The following CAMTA1 variants were observed in gnomAD, a reference collection of about 807,000 sequenced individuals.
The protein encoded by CAMTA1 is calmodulin binding transcription activator 1, also known as calmodulin-binding transcription activator 1.
Under a neutral mutation model 170.9 loss-of-function variants are expected in CAMTA1, and 27 were observed. The ratio of observed to expected loss-of-function variants is 0.16; its 90% CI spans 0.12 to 0.22. The LOEUF is 0.22. Among genes scored for constraint, CAMTA1 ranks in the 10% least tolerant of loss-of-function variants. The probability of loss-of-function intolerance (pLI) is 1.00; values close to 1 mark genes in which losing one functional copy is unlikely to be tolerated. For missense variants in CAMTA1, 1,619 were observed against 2,217.2 expected (o/e 0.73, Z 5.42); for synonymous variants, 833 against 891.5 (o/e 0.93, Z 1.17).
chr1:6,790,059 C>T (rs1287052604), intron 1 of CAMTA1, among the ~76,000 whole-genome samples: 2 of 151,648 alleles, frequency 1.3e-5, no homozygotes, highest in Non-Finnish European at 2.9e-5. Context: ...AGTGATCCGC[C>T]TACCTCAGCC....
At chr1:7,002,677 C>G (rs1000475733) in intron 3 of CAMTA1, among the ~76,000 whole-genome samples, 2 of 152,246 alleles carry the variant, frequency 1.3e-5, no homozygotes, top group Non-Finnish European at 2.9e-5. Context: ...ACTCAACCGA[C>G]AGTGCATCTC....
At chr1:7,461,479 C>A (rs2149511106) in intron 5 of CAMTA1, among the ~76,000 whole-genome samples, 1 of 152,364 alleles carries the variant, frequency 6.6e-6, no homozygotes, top group African/African-American at 2.4e-5. Flanking sequence ...AACTGAGGAA[C>A]TGAAGCTTTG....
At position 7,678,094 on chromosome 1, in the gene CAMTA1, G is replaced by A. The variant is rs1333299367; in HGVS notation, c.2914+361G>A. Among the ~76,000 whole-genome samples the A allele has an allele frequency of 2.6e-5, 4 of 152,314 alleles. No homozygotes were observed. The East Asian group carries it at 5.8e-4, about 22-fold the overall frequency. On this transcript the variant is annotated intron_variant, in intron 11 of 22. Transcript: ENST00000303635. ...CCCAGGCAGCAAGGTCCAAGCACCC[G>A]CTGTGCCCCTCCAGGCCTGTTTCCG...
At chr1:7,230,875 G>A (rs1662664187) in intron 4 of CAMTA1, among the ~76,000 whole-genome samples, 1 of 152,152 alleles carries the variant, frequency 6.6e-6, no homozygotes, top group South Asian at 2.1e-4. Flanking sequence ...CCTCAGTCCT[G>A]TCTTGTTGGG....
At position 7,166,780 on chromosome 1, in the gene CAMTA1, G is replaced by A. The variant is rs557181741; in HGVS notation, c.302+75409G>A. On this transcript the variant is annotated intron_variant, in intron 4 of 22. Coordinates refer to ENST00000303635, the MANE Select transcript of CAMTA1 (RefSeq NM_015215.4). ...AGAAAGTGTTCCTAATGGTGTCTTGGTGGGTAGAAATTCTTAGTTTTGATG... is the reference window on the plus strand; with the variant it reads ...AGAAAGTGTTCCTAATGGTGTCTTGATGGGTAGAAATTCTTAGTTTTGATG... 7.7e-4 allele frequency among the ~76,000 whole-genome samples: 116 copies of A among 150,498 alleles called. 1 individual carries two copies. The highest frequency in any genetic ancestry group is 2.6e-3 in the African/African-American group (105 of 41,002).
chr1:7,256,765 A>G (rs1205325077), intron 5 of CAMTA1, among the ~76,000 whole-genome samples: 1 of 152,166 alleles, frequency 6.6e-6, no homozygotes, highest in African/African-American at 2.4e-5. Flanking sequence ...TTTAGGATCA[A>G]GGTGCAGGCG....
chr1:7,284,423 T>C (rs899602126), intron 5 of CAMTA1, among the ~76,000 whole-genome samples: 1 of 151,936 alleles, frequency 6.6e-6, no homozygotes, highest in East Asian at 1.9e-4. Context: ...AGGCTGGTCT[T>C]GAACTCCTGA....
rs191186267 is a variant in CAMTA1, at chr1:7,712,472, C to G, written c.2915-19976C>G. 4.6e-5 allele frequency among the ~76,000 whole-genome samples: 7 copies of G among 152,222 alleles called. No homozygotes were observed. In the East Asian group the frequency reaches 1.4e-3, roughly 29 times the overall value. Reference sequence around the variant, plus strand: ...AGTAACAGGGACCACAGGTGTGCATCACTGTGCCTGGCTAGTTTTTGGATT... The same window carrying G: ...AGTAACAGGGACCACAGGTGTGCATGACTGTGCCTGGCTAGTTTTTGGATT... On this transcript the variant is annotated intron_variant, in intron 11 of 22. Coordinates refer to ENST00000303635, the MANE Select transcript of CAMTA1 (RefSeq NM_015215.4).
At chr1:7,054,078 GC>G (rs1267646367) in intron 3 of CAMTA1, among the ~76,000 whole-genome samples, 1 of 152,210 alleles carries the variant, frequency 6.6e-6, no homozygotes, top group African/African-American at 2.4e-5. Context: ...CTCACTGCCA[GC>G]CCAGCCTCTG....
intron 11 of CAMTA1, among the ~76,000 whole-genome samples, chr1:7,704,789 G>GGGGCCGGGCT (rs1269301631): frequency 2.0e-4 from 30 of 147,794 alleles, no homozygotes; most frequent in Non-Finnish European, 3.9e-4. Flanking sequence ...GAGCGGGCGC[G>GGGGCCGGGCT]GGGCCGGGCT....
chr1:7,443,152 C>T lies in CAMTA1; in HGVS notation c.439-24678C>T, dbSNP rs575670857. 5.4e-4 allele frequency among the ~76,000 whole-genome samples: 82 copies of T among 152,326 alleles called. 1 individual carries two copies. The South Asian group carries it at 6.2e-3, about 12-fold the overall frequency. On this transcript the variant is annotated intron_variant, in intron 5 of 22. Transcript: ENST00000303635. The surrounding 1 kb of genome is among the most constrained non-coding windows in gnomAD (Gnocchi z 4.1). ...CTACCCAAGTCAAAGCCCTGGATGA[C>T]GGCTGCAAAGCATAAGGCTTCGGGT...
chr1:7,104,278 C>CA (rs1181872521), intron 4 of CAMTA1, among the ~76,000 whole-genome samples: 2 of 58,680 alleles, frequency 3.4e-5, no homozygotes, highest in Non-Finnish European at 8.4e-5. Flanking sequence ...TACATGCACA[C>CA]AAAACAAATA....
At chr1:7,729,484 A>G (rs2096716406) in intron 11 of CAMTA1, among the ~76,000 whole-genome samples, 1 of 152,246 alleles carries the variant, frequency 6.6e-6, no homozygotes, top group Admixed American at 6.5e-5. Flanking sequence ...AAGTAAAATC[A>G]GTTTGATCTG....
chr1:7,747,844 G>A, intron 19 of CAMTA1, 63 bp downstream of exon 19: 3 of 1,134,830 alleles, frequency 2.6e-6, no homozygotes, highest in Non-Finnish European at 3.9e-6. Flanking sequence ...TGAAGATCCT[G>A]GTTTGGCTAA....
At chr1:6,879,872 C>G (rs903230757) in intron 3 of CAMTA1, among the ~76,000 whole-genome samples, 1 of 151,440 alleles carries the variant, frequency 6.6e-6, no homozygotes, top group African/African-American at 2.4e-5. Flanking sequence ...AGTGTTCCTC[C>G]TGCCTTGGCC....
chr1:7,104,358 C>A lies in CAMTA1; in HGVS notation c.302+12987C>A, dbSNP rs1377468695. On this transcript the variant is annotated intron_variant, in intron 4 of 22. Coordinates refer to ENST00000303635, the MANE Select transcript of CAMTA1 (RefSeq NM_015215.4). ...ATACATGTACACACATGCATAAATA[C>A]TCAATACACATACACACACACACAC... is the stretch of plus-strand genomic sequence containing the variant. Among the ~76,000 whole-genome samples the A allele has an allele frequency of 2.5e-5, 3 of 117,674 alleles. No individual in the cohort carries two copies. The South Asian group carries it at 8.9e-4, about 35-fold the overall frequency. The allele number at this position is 117,674 out of a possible 152,430, so 77.2% of individuals were successfully genotyped here. A position where few individuals can be genotyped will look rare whatever the true frequency, so the allele number is the denominator to read the frequency against.
Position 7,113,004 on chromosome 1 carries a change from C to T in CAMTA1, c.302+21633C>T, listed in dbSNP as rs578022373. ...ATTGGTGGAAACCTTTCCCGGCAGC[C>T]TCACGTCTGCTTTTCAGGTACTCTG... On this transcript the variant is annotated intron_variant, in intron 4 of 22. Coordinates refer to ENST00000303635, the MANE Select transcript of CAMTA1 (RefSeq NM_015215.4). This position sits in a 1 kb window ranked among gnomAD's most constrained non-coding sequence, Gnocchi z 4.5. Among the ~76,000 whole-genome samples, 4 of 152,348 alleles carry T rather than the reference C, an allele frequency of 2.6e-5. No individual in the cohort carries two copies. The South Asian group carries it at 8.3e-4, about 32-fold the overall frequency.
At chr1:6,930,783 C>T (rs1183416360) in intron 3 of CAMTA1, among the ~76,000 whole-genome samples, 1 of 152,206 alleles carries the variant, frequency 6.6e-6, no homozygotes, top group Non-Finnish European at 1.5e-5. Flanking sequence ...CTCATTGGCT[C>T]TGCATGAGGA....
At chr1:6,795,375 G>A (rs1488976923) in intron 1 of CAMTA1, among the ~76,000 whole-genome samples, 5 of 151,080 alleles carry the variant, frequency 3.3e-5, no homozygotes, top group South Asian at 2.1e-4. Context: ...TCTCTTTTTC[G>A]TAGAGGTGGG....
Sources: gnomAD v4.1 joint callset for allele counts (sites outside exome capture counted in the v4.1 genomes callset) on GRCh38, gnomAD v4.1.1 for gene constraint, Gnocchi (gnomAD v3.1) non-coding constraint, MANE v1.5 for transcripts, NCBI Gene and HGNC (gene_info 2026-07-23, HGNC 2026-07-21) for gene names.